Variants in PLB1 observed in about 807,000 individuals in gnomAD.
PLB1 encodes phospholipase B1, membrane-associated.
In PLB1, 242 loss-of-function variants were observed where a neutral mutation model predicts 227.4. The ratio of observed to expected loss-of-function variants is 1.06; its 90% CI spans 0.96 to 1.18. PLB1 has a LOEUF of 1.18. Among genes scored for constraint, PLB1 ranks in the 50% most tolerant of loss-of-function variants. The pLI is 0.00. For synonymous variants in PLB1, 757 were observed against 682.2 expected (o/e 1.11, Z -1.71); for missense variants, 1,858 against 1,816.3 (o/e 1.02, Z -0.42).
chr2:28,583,173 G>A (rs1026587663), intron 25 of PLB1, among the ~76,000 whole-genome samples: 2 of 150,874 alleles, frequency 1.3e-5, no homozygotes, highest in African/African-American at 4.9e-5. Flanking sequence ...AATCTGAAAT[G>A]CTCCAAAATC....
intron 28 of PLB1, 43 bp from the exon 29 acceptor site, chr2:28,589,962 G>A: frequency 6.4e-7 from 1 of 1,567,178 alleles, no homozygotes; most frequent in Middle Eastern, 1.7e-4. Flanking sequence ...TTCCATTCTG[G>A]CCGCCTCTTC....
intron 33 of PLB1, among the ~76,000 whole-genome samples, chr2:28,597,638 G>A (rs13006819): frequency 6.6e-6 from 1 of 152,090 alleles, no homozygotes; most frequent in Admixed American, 6.5e-5. Flanking sequence ...TAACCTCTGT[G>A]CACCTCATTT....
intron 28 of PLB1, 96 bp downstream of exon 28, chr2:28,589,866 T>C (rs1681582053): frequency 1.6e-5 from 22 of 1,374,520 alleles, no homozygotes; most frequent in African/African-American, 2.9e-5. Context: ...GTGCAGGCCA[T>C]GTGATTCTAT....
chr2:28,636,670 C>CA (rs1334858700), intron 56 of PLB1, among the ~76,000 whole-genome samples: 4 of 152,110 alleles, frequency 2.6e-5, no homozygotes, highest in African/African-American at 9.7e-5. Flanking sequence ...TGGCTTTAAA[C>CA]AAAAATCAAG....
chr2:28,548,306 A>C (rs58681778), intron 14 of PLB1, among the ~76,000 whole-genome samples: 1,631 of 152,276 alleles, frequency 0.011, 29 homozygotes, highest in African/African-American at 0.037. Flanking sequence ...TTTATGTAAA[A>C]AGCGATGCAT....
Position 28,591,690 on chromosome 2 carries a change from A to C in PLB1, c.2128-10A>C, listed in dbSNP as rs1191898933. On this transcript the variant is annotated splice_polypyrimidine_tract_variant and intron_variant, in intron 30 of 57. Coordinates refer to ENST00000327757, the MANE Select transcript of PLB1 (RefSeq NM_153021.5). ...ACCCTGAGATTCTGGGATTTGTTCT[A>C]TGCCCTTAGGGTCATGGGACCTGGC... 1 of 1,613,530 alleles carries C rather than the reference A, an allele frequency of 6.2e-7. No homozygotes were observed. The highest frequency in any genetic ancestry group is 8.5e-7 in the Non-Finnish European group (1 of 1,179,806).
intron 1 of PLB1, among the ~76,000 whole-genome samples, chr2:28,501,317 A>G (rs935119966): frequency 5.9e-5 from 9 of 152,206 alleles, no homozygotes; most frequent in Non-Finnish European, 8.8e-5. Context: ...TGACAACACC[A>G]CCAACAACAA....
At chr2:28,582,550 C>CCCT in intron 25 of PLB1, 45 bp downstream of exon 25, 1 of 1,448,220 alleles carries the variant, frequency 6.9e-7, no homozygotes, top group Non-Finnish European at 9.5e-7. Context: ...ATCCTCACTG[C>CCCT]TAAGGGCAGT....
At chr2:28,593,574 C>T in intron 32 of PLB1, 107 bp from the exon 33 acceptor site, 1 of 882,352 alleles carries the variant, frequency 1.1e-6, no homozygotes, top group Non-Finnish European at 1.8e-6. Flanking sequence ...TCTGCTCCTG[C>T]CACCACGAGT....
intron 23 of PLB1, among the ~76,000 whole-genome samples, chr2:28,581,571 GC>G (rs1388803021): frequency 6.6e-6 from 1 of 151,554 alleles, no homozygotes; most frequent in African/African-American, 2.4e-5. Context: ...TTCCCTGAGG[GC>G]CACAGCCATG....
At chr2:28,613,914 T>A in intron 43 of PLB1, 117 bp from the exon 44 acceptor site, 2 of 850,360 alleles carry the variant, frequency 2.4e-6, no homozygotes, top group East Asian at 2.4e-5. Context: ...TCTTTCTATA[T>A]AAGTGCAGAA....
chr2:28,640,877 AGT>A, intron 56 of PLB1, 48 bp from the exon 57 acceptor site: 2 of 1,550,844 alleles, frequency 1.3e-6, no homozygotes, highest in Non-Finnish European at 1.8e-6. Flanking sequence ...CAGAGAGGAA[AGT>A]GTCTCCCAGC....
In PLB1 at chr2:28,616,546, A is replaced by G. The variant is rs537433378; in HGVS notation, c.3196-1181A>G. Reference sequence around the variant, plus strand: ...TGTGGTGCATGGTTCTTCCCTTGTGACGGATGAGCACGTTTCAATTCCAAC... The same window carrying G: ...TGTGGTGCATGGTTCTTCCCTTGTGGCGGATGAGCACGTTTCAATTCCAAC... On this transcript the variant is annotated intron_variant, in intron 44 of 57. Coordinates refer to ENST00000327757, the MANE Select transcript of PLB1 (RefSeq NM_153021.5). Among the ~76,000 whole-genome samples the G allele has an allele frequency of 1.6e-4, 24 of 152,328 alleles. No homozygotes were observed. The East Asian group carries it at 4.6e-3, about 29-fold the overall frequency.
chr2:28,518,379 C>G (rs1203657361), intron 2 of PLB1, 87 bp from the exon 3 acceptor site: 2 of 1,014,462 alleles, frequency 2.0e-6, no homozygotes, highest in Non-Finnish European at 3.1e-6. Context: ...AGAATGAGTA[C>G]ATGATCATTT....
intron 44 of PLB1, among the ~76,000 whole-genome samples, chr2:28,616,913 GCAGT>G (rs146719466): frequency 0.017 from 2,608 of 152,216 alleles, 71 homozygotes; most frequent in African/African-American, 0.06. Context: ...ATAGCATCTG[GCAGT>G]CAGACTCCTG....
At chr2:28,612,489 C>A (rs1685600380) in intron 43 of PLB1, among the ~76,000 whole-genome samples, 1 of 152,116 alleles carries the variant, frequency 6.6e-6, no homozygotes, top group Non-Finnish European at 1.5e-5. Context: ...AGCTGCTCAT[C>A]TATAAAGTGG....
chr2:28,566,715 G>T, intron 19 of PLB1, 81 bp from the exon 20 acceptor site: 9 of 1,479,100 alleles, frequency 6.1e-6, no homozygotes, highest in Non-Finnish European at 8.5e-6. Context: ...CGGGAGACGG[G>T]CGTTTCTGGC....
At chr2:28,592,617 G>A in intron 31 of PLB1, 44 bp from the exon 32 acceptor site, 1 of 1,594,606 alleles carries the variant, frequency 6.3e-7, no homozygotes, top group Non-Finnish European at 8.6e-7. Flanking sequence ...GTGTGACTGT[G>A]GCTTCCCTCC....
chr2:28,588,932 G>A (rs1029257708), intron 26 of PLB1, among the ~76,000 whole-genome samples: 1 of 152,084 alleles, frequency 6.6e-6, no homozygotes, highest in Admixed American at 6.5e-5. Flanking sequence ...TTGGGAGGCC[G>A]AGGCGGGTGG....
Sources: gnomAD v4.1 joint callset for allele counts (sites outside exome capture counted in the v4.1 genomes callset) on GRCh38, gnomAD v4.1.1 for gene constraint, MANE v1.5 for transcripts, NCBI Gene and HGNC (gene_info 2026-07-23, HGNC 2026-07-21) for gene names.